TTLL4: variants seen among roughly 807,000 people sequenced by gnomAD.
TTLL4 encodes tubulin tyrosine ligase like 4.
In TTLL4, 85 loss-of-function variants were observed where a neutral mutation model predicts 122.7. The observed-to-expected ratio is 0.69, with a 90% confidence interval of 0.58 to 0.83. TTLL4 has a LOEUF of 0.83. Ranked by LOEUF, TTLL4 falls within the 40% of genes least tolerant of loss-of-function variation. The probability of loss-of-function intolerance (pLI) is 0.00; values close to 1 mark genes in which losing one functional copy is unlikely to be tolerated. For synonymous variants in TTLL4, 553 were observed against 563.0 expected (o/e 0.98, Z 0.25); for missense variants, 1,363 against 1,488.6 (o/e 0.92, Z 1.39).
In TTLL4 at chr2:218,753,636, A is replaced by G. The variant is rs1278241897; in HGVS notation, c.3311A>G (p.Asn1104Ser). The G allele has an allele frequency of 2.5e-6, 4 of 1,614,026 alleles. No individual in the cohort carries two copies. Among genetic ancestry groups the G allele is most frequent in the Non-Finnish European group, 3.4e-6 (4 of 1,180,044 alleles). The change falls in exon 19 of 20, where the codon AAT (asparagine) becomes AGT (serine). Residue 1104 changes from asparagine to serine, a missense_variant. Physicochemically the swap from Asn to Ser is conservative, Grantham distance 46. Coordinates refer to ENST00000392102, the MANE Select transcript of TTLL4 (RefSeq NM_014640.5). ...LTISKDDVIL[N>S]AFSKSETSKL... ...ATCTCAAAGGATGACGTGATACTCAATGCCTTCAGCAAATCAGAGACTAGC... is the reference window on the plus strand; with the variant it reads ...ATCTCAAAGGATGACGTGATACTCAGTGCCTTCAGCAAATCAGAGACTAGC...
chr2:218,744,159 T>A (rs1327900998), intron 5 of TTLL4, among the ~76,000 whole-genome samples: 1 of 152,248 alleles, frequency 6.6e-6, no homozygotes, highest in African/African-American at 2.4e-5. Flanking sequence ...TCATTAAAAA[T>A]CTTTAAGAGT....
chr2:218,758,921 C>T (rs185860616), downstream of TTLL4, among the ~76,000 whole-genome samples: 20 of 152,350 alleles, frequency 1.3e-4, no homozygotes, highest in East Asian at 3.1e-3. Flanking sequence ...TGTGATATCT[C>T]TGTTCAGTGG....
chr2:218,755,956 G>A (rs1167631200), downstream of TTLL4, among the ~76,000 whole-genome samples: 1 of 152,158 alleles, frequency 6.6e-6, no homozygotes, highest in Non-Finnish European at 1.5e-5. Context: ...ACAAAGTCCT[G>A]GGCATCATTG....
chr2:218,744,521 T>TA (rs1159451456), intron 5 of TTLL4, among the ~76,000 whole-genome samples: 1 of 152,196 alleles, frequency 6.6e-6, no homozygotes, highest in African/African-American at 2.4e-5. Flanking sequence ...CCCATACTGT[T>TA]ACATAAAATT....
intron 12 of TTLL4, 83 bp from the exon 13 acceptor site, chr2:218,748,753 T>G: frequency 8.5e-7 from 1 of 1,182,736 alleles, no homozygotes; most frequent in Non-Finnish European, 1.2e-6. Flanking sequence ...GAAAATACCA[T>G]TAGGTCTCTT....
chr2:218,753,497 A>T, intron 18 of TTLL4, 87 bp from the exon 19 acceptor site: 1 of 1,288,768 alleles, frequency 7.8e-7, no homozygotes, highest in Non-Finnish European at 1.1e-6. Context: ...ATCCATTTAG[A>T]GGTAGAGCTG....
intron 12 of TTLL4, 68 bp downstream of exon 12, chr2:218,748,295 G>A: frequency 6.3e-7 from 1 of 1,592,370 alleles, no homozygotes. Context: ...GGTTTTGGGA[G>A]GTTCAGGGGC....
At position 218,746,155 on chromosome 2, in the gene TTLL4, G is replaced by A. The variant is rs772469422; in HGVS notation, c.1898G>A (p.Arg633Lys). The change falls in exon 8 of 20, where the codon AGA becomes AAA. Residue 633 changes from arginine to lysine, a missense_variant and splice_region_variant. This residue lies in a region of TTLL4 where 760 missense variants were observed against 808.4 expected (regional missense o/e 0.94). Transcript: ENST00000392102. ...CTGATTCCTGATGTACCTCCCATAG[G>A]AAACGATGACTGGCTGGGCTGCTGG... Reference protein sequence around the residue: ...IGRSHFKISKRNDDWLGCWGH... With the variant: ...IGRSHFKISKKNDDWLGCWGH... 6 of 1,614,062 alleles carry A rather than the reference G, an allele frequency of 3.7e-6. No homozygotes were observed. The African/African-American group carries it at 5.3e-5, about 14-fold the overall frequency.
At chr2:218,745,511 T>C in intron 6 of TTLL4, 180 bp from the exon 7 acceptor site, 2 of 641,270 alleles carry the variant, frequency 3.1e-6, no homozygotes, top group Non-Finnish European at 5.6e-6. Flanking sequence ...TTGTTCCTCA[T>C]TCCTGCACAG....
chr2:218,714,627 G>C (rs1424670553), intron 1 of TTLL4, among the ~76,000 whole-genome samples: 2 of 151,962 alleles, frequency 1.3e-5, no homozygotes, highest in Admixed American at 1.3e-4. Context: ...AGATATGCTA[G>C]AGAAGCATAG....
rs1192977048 is a variant in TTLL4 at position 218,738,295 on chromosome 2, T to C, written c.619T>C (p.Ser207Pro). The change falls in exon 3 of 20, where the codon TCT becomes CCT. Residue 207 changes from serine (S) to proline (P), a missense_variant. This residue lies in a region of TTLL4 where 760 missense variants were observed against 808.4 expected (regional missense o/e 0.94). Coordinates refer to ENST00000392102, the MANE Select transcript of TTLL4 (RefSeq NM_014640.5). ...CTCTGCCATCTCAGGGAAGATCCCATCTCCACTCTCTTCCTCCTATAAGCC... is the reference window on the plus strand; with the variant it reads ...CTCTGCCATCTCAGGGAAGATCCCACCTCCACTCTCTTCCTCCTATAAGCC... Reference protein sequence around the residue: ...LASAISGKIPSPLSSSYKPML... With the variant: ...LASAISGKIPPPLSSSYKPML... 1.2e-6 allele frequency: 2 copies of C among 1,613,824 alleles called. No individual in the cohort carries two copies. The highest frequency in any genetic ancestry group is 1.3e-5 in the African/African-American group (1 of 74,856).
chr2:218,737,419 C>T (rs546299567), intron 2 of TTLL4, among the ~76,000 whole-genome samples, 160 bp from the exon 3 acceptor site: 1 of 152,280 alleles, frequency 6.6e-6, no homozygotes, highest in South Asian at 2.1e-4. Flanking sequence ...TGAAAACTCC[C>T]TGGAAATCTG....
downstream of TTLL4, among the ~76,000 whole-genome samples, chr2:218,756,311 A>ATTC (rs1943150713): frequency 6.6e-6 from 1 of 152,106 alleles, no homozygotes; most frequent in South Asian, 2.1e-4. Flanking sequence ...TGGAGAGGGA[A>ATTC]CCAGCATTGC....
At chr2:218,743,181 G>A (rs1942750631) in intron 5 of TTLL4, among the ~76,000 whole-genome samples, 1 of 151,332 alleles carries the variant, frequency 6.6e-6, no homozygotes, top group Admixed American at 6.6e-5. Context: ...TGTCATCACT[G>A]TAGGAATTCC....
chr2:218,758,739 AATGCAAAATG>A (rs1943193046), downstream of TTLL4, among the ~76,000 whole-genome samples: 1 of 152,244 alleles, frequency 6.6e-6, no homozygotes, highest in Non-Finnish European at 1.5e-5. Flanking sequence ...TGCTGATGGG[AATGCAAAATG>A]ATGCACTGGA....
chr2:218,745,572 T>G (rs1942818618), intron 6 of TTLL4, 119 bp from the exon 7 acceptor site: 6 of 720,070 alleles, frequency 8.3e-6, no homozygotes, highest in Non-Finnish European at 1.5e-5. Context: ...TCTGGAGCAA[T>G]AGTTAGTGAC....
chr2:218,757,153 T>C (rs1194498387), downstream of TTLL4, among the ~76,000 whole-genome samples: 1 of 152,210 alleles, frequency 6.6e-6, no homozygotes, highest in African/African-American at 2.4e-5. Flanking sequence ...TGGTCACACC[T>C]TCTCCACTTG....
rs577247323 is a variant in TTLL4, at chr2:218,744,391, T to C, written c.1662-718T>C. On this transcript the variant is annotated intron_variant, in intron 5 of 19. Transcript: ENST00000392102. ...GTACCTGACAGGTAGTTGATATGTT[T>C]GCTATGTTGACACCCCTTGAGACAG... Among the ~76,000 whole-genome samples the C allele has an allele frequency of 1.5e-4, 23 of 152,344 alleles. No homozygotes were observed. The East Asian group carries it at 4.2e-3, about 28-fold the overall frequency.
At chr2:218,719,570 T>TA (rs542414750) in intron 1 of TTLL4, among the ~76,000 whole-genome samples, 41,915 of 135,676 alleles carry the variant, frequency 0.31, 7,683 homozygotes, top group Non-Finnish European at 0.43. Flanking sequence ...AAATAAGCCT[T>TA]AAAAAAAAAA....
Sources: allele counts gnomAD v4.1 joint callset (sites outside exome capture counted in the v4.1 genomes callset), GRCh38; gene constraint gnomAD v4.1.1; regional missense constraint gnomAD v4.1.1; transcripts MANE v1.5; gene names NCBI Gene and HGNC (gene_info 2026-07-23, HGNC 2026-07-21).